Variants in NPSR1 observed in about 807,000 individuals in gnomAD.
The protein encoded by NPSR1 is neuropeptide S receptor.
Under a neutral mutation model 46.9 loss-of-function variants are expected in NPSR1, and 48 were observed. The observed-to-expected ratio is 1.02, with a 90% CI of 0.81 to 1.30. NPSR1 has a LOEUF of 1.30. Ranked by LOEUF, NPSR1 falls within the 50% of genes most tolerant of loss-of-function variation. NPSR1 has a pLI of 0.00. For missense variants in NPSR1, 450 were observed against 449.5 expected, an observed-to-expected ratio of 1.00 and a Z score of -0.01; for synonymous variants, 176 against 168.1, an observed-to-expected ratio of 1.05 and a Z score of -0.36.
At chr7:34,865,460 C>T (rs1393257684) in intron 8 of NPSR1, among the ~76,000 whole-genome samples, 1 of 151,732 alleles carries the variant, frequency 6.6e-6, no homozygotes, top group Non-Finnish European at 1.5e-5. Flanking sequence ...CACATTCAAT[C>T]CAAGCGACTT....
At chr7:34,874,903 C>T (rs1791540762) in intron 8 of NPSR1, among the ~76,000 whole-genome samples, 1 of 152,164 alleles carries the variant, frequency 6.6e-6, no homozygotes, top group Non-Finnish European at 1.5e-5. Flanking sequence ...CCTCTGTTCT[C>T]CTGGCTCCAA....
chr7:34,749,213 C>T (rs535309420), intron 2 of NPSR1, among the ~76,000 whole-genome samples: 8 of 152,304 alleles, frequency 5.3e-5, no homozygotes, highest in Middle Eastern at 3.4e-3. Flanking sequence ...AACCTTCAAC[C>T]TCAGTCTTAA....
At chr7:34,801,517 A>G (rs1288745785) in intron 3 of NPSR1, among the ~76,000 whole-genome samples, 1 of 132,024 alleles carries the variant, frequency 7.6e-6, no homozygotes. Context: ...AAAATTCAAC[A>G]ACCCTTCATG....
At chr7:34,688,992 T>C (rs942448050) in intron 2 of NPSR1, among the ~76,000 whole-genome samples, 1 of 152,024 alleles carries the variant, frequency 6.6e-6, no homozygotes, top group African/African-American at 2.4e-5. Context: ...ACAGTGGAGG[T>C]TTCCAGACTC....
chr7:34,663,067 C>CTCTCTCTCTCTGTG (rs35826710), intron 1 of NPSR1, among the ~76,000 whole-genome samples: 7 of 99,386 alleles, frequency 7.0e-5, no homozygotes, highest in African/African-American at 4.0e-4. Flanking sequence ...CTCTCTCTCT[C>CTCTCTCTCTCTGTG]TGTGTGTGTG....
chr7:34,876,908 A>G (rs1412589524), intron 8 of NPSR1, among the ~76,000 whole-genome samples: 2 of 152,188 alleles, frequency 1.3e-5, no homozygotes, highest in Non-Finnish European at 2.9e-5. Context: ...TCCAGCAGTG[A>G]GGGTCAGTGG....
chr7:34,843,829 G>A (rs952972135), intron 6 of NPSR1, among the ~76,000 whole-genome samples: 5 of 152,234 alleles, frequency 3.3e-5, no homozygotes, highest in Admixed American at 6.5e-5. Context: ...GTGCACAGCT[G>A]CCCTACTCCA....
intron 4 of NPSR1, among the ~76,000 whole-genome samples, chr7:34,826,403 A>G (rs1422042725): frequency 6.6e-6 from 1 of 152,164 alleles, no homozygotes; most frequent in Non-Finnish European, 1.5e-5. Context: ...GACCACAGTC[A>G]ACACACTGTC....
At chr7:34,860,239 T>G (rs571260647) in intron 8 of NPSR1, among the ~76,000 whole-genome samples, 25 of 151,888 alleles carry the variant, frequency 1.6e-4, no homozygotes, top group African/African-American at 6.1e-4. Context: ...TATACCCACA[T>G]GCTGATGTGA....
intron 3 of NPSR1, among the ~76,000 whole-genome samples, chr7:34,788,543 T>A (rs1247197924): frequency 6.6e-6 from 1 of 151,946 alleles, no homozygotes; most frequent in Non-Finnish European, 1.5e-5. Flanking sequence ...AGACTTTAAG[T>A]CAATAACAGT....
intron 1 of NPSR1, among the ~76,000 whole-genome samples, chr7:34,663,067 C>CTCTCTG (rs35826710): frequency 1.0e-4 from 10 of 99,382 alleles, no homozygotes; most frequent in African/African-American, 3.4e-4. Flanking sequence ...CTCTCTCTCT[C>CTCTCTG]TGTGTGTGTG....
At chr7:34,771,448 C>CA (rs1786680927) in intron 2 of NPSR1, among the ~76,000 whole-genome samples, 1 of 151,976 alleles carries the variant, frequency 6.6e-6, no homozygotes, top group Admixed American at 6.6e-5. Flanking sequence ...ACTTCCCCAC[C>CA]AAAAAAGATG....
chr7:34,740,717 C>T (rs1179389076), intron 2 of NPSR1, among the ~76,000 whole-genome samples: 1 of 152,204 alleles, frequency 6.6e-6, no homozygotes, highest in African/African-American at 2.4e-5. Context: ...ATCTCCCTTT[C>T]CCACTTTCAC....
At chr7:34,692,588 A>T (rs1583820718) in intron 2 of NPSR1, among the ~76,000 whole-genome samples, 1 of 152,232 alleles carries the variant, frequency 6.6e-6, no homozygotes, top group East Asian at 1.9e-4. Context: ...CAATGCTTAC[A>T]CTAAAAGATA....
chr7:34,773,479 T>C (rs1294361666), intron 2 of NPSR1, among the ~76,000 whole-genome samples: 1 of 152,160 alleles, frequency 6.6e-6, no homozygotes, highest in Non-Finnish European at 1.5e-5. Flanking sequence ...GTGTTGACTA[T>C]GACTCAGAGA....
intron 8 of NPSR1, among the ~76,000 whole-genome samples, chr7:34,864,954 T>C (rs1791275991): frequency 6.6e-6 from 1 of 151,862 alleles, no homozygotes; most frequent in South Asian, 2.1e-4. Flanking sequence ...ACTCTGTTCA[T>C]GTCATTGAAT....
intron 2 of NPSR1, among the ~76,000 whole-genome samples, chr7:34,738,017 C>CT (rs538356205): frequency 1.1e-3 from 164 of 152,254 alleles, no homozygotes; most frequent in African/African-American, 3.7e-3. Flanking sequence ...AGAAAGGTGC[C>CT]TGGCACATTA....
chr7:34,679,941 A>G (rs191003231), intron 1 of NPSR1, among the ~76,000 whole-genome samples: 86 of 152,252 alleles, frequency 5.6e-4, no homozygotes, highest in African/African-American at 2.0e-3. Context: ...ATGAGATAAA[A>G]AATATCAAAA....
intron 3 of NPSR1, among the ~76,000 whole-genome samples, chr7:34,808,902 A>G (rs1057435879): frequency 5.9e-5 from 9 of 152,134 alleles, no homozygotes; most frequent in African/African-American, 2.2e-4. Context: ...ATGCCTGAAG[A>G]TGGTTAATCT....
Sources: allele counts gnomAD v4.1 joint callset (sites outside exome capture counted in the v4.1 genomes callset), GRCh38; gene constraint gnomAD v4.1.1; transcripts MANE v1.5; gene names NCBI Gene and HGNC (gene_info 2026-07-23, HGNC 2026-07-21).